The following THOC2 variants were observed in gnomAD, a reference collection of about 807,000 sequenced individuals.
THOC2 encodes the protein THO complex 2.
In THOC2, 10 loss-of-function variants were observed where a neutral mutation model predicts 128.4. The ratio of observed to expected loss-of-function variants is 0.08; its 90% CI spans 0.05 to 0.13. THOC2 has a LOEUF of 0.13. THOC2 is among the 10% of genes least tolerant of loss of function. The pLI, the probability that THOC2 is intolerant of heterozygous loss-of-function variation, is 1.00. For synonymous variants in THOC2, 393 were observed against 396.9 expected, an observed-to-expected ratio of 0.99 and a Z score of 0.12; for missense variants, 535 against 1,155.7, an observed-to-expected ratio of 0.46 and a Z score of 7.79.
At chrX:123,618,903 C>T (rs2147574828) in intron 33 of THOC2, among the ~76,000 whole-genome samples, 1 of 111,084 alleles carries the variant, frequency 9.0e-6, no homozygotes, top group Non-Finnish European at 1.9e-5. Flanking sequence ...CTGTAACTAC[C>T]AAAAAGGTAC....
intron 38 of THOC2, among the ~76,000 whole-genome samples, chrX:123,609,043 T>C (rs1008932996): frequency 6.2e-5 from 7 of 112,039 alleles, no homozygotes. Context: ...AAAAGAATAA[T>C]ATTTGGGTAC....
chrX:123,642,068 G>A (rs1306804235), intron 15 of THOC2, among the ~76,000 whole-genome samples: 3 of 112,198 alleles, frequency 2.7e-5, no homozygotes, highest in Non-Finnish European at 5.6e-5. Flanking sequence ...GACAGTCAAA[G>A]TACTAAGCAT....
At chrX:123,629,176 A>T (rs2047378194) in intron 22 of THOC2, among the ~76,000 whole-genome samples, 1 of 102,142 alleles carries the variant, frequency 9.8e-6, no homozygotes, top group African/African-American at 3.6e-5. Flanking sequence ...TATGAAGATA[A>T]CATATATATG....
chrX:123,601,983 TC>T (rs2147494528), intron 38 of THOC2: 1 of 112,795 alleles, frequency 8.9e-6, no homozygotes, highest in African/African-American at 3.2e-5. Flanking sequence ...TCATTTCCTT[TC>T]CTTTATGTAT....
At position 123,720,005 on chromosome X, in the gene THOC2, G is replaced by A. The variant is rs572414312; in HGVS notation, c.72-7097C>T. On this transcript the variant is annotated intron_variant, in intron 1 of 38. Coordinates refer to ENST00000245838, the MANE Select transcript of THOC2 (RefSeq NM_001081550.2). ...CACAAAAAATAGACAAAACTAGCCCGGCATGGTGGTGCAGGCCTATAGTCC... is the reference window on the plus strand; with the variant it reads ...CACAAAAAATAGACAAAACTAGCCCAGCATGGTGGTGCAGGCCTATAGTCC... 4.1e-4 allele frequency among the ~76,000 whole-genome samples: 46 copies of A among 110,967 alleles called. No individual in the cohort carries two copies. The South Asian group carries it at 4.9e-3, about 12-fold the overall frequency.
chrX:123,715,693 G>T (rs1484833353), intron 1 of THOC2, among the ~76,000 whole-genome samples: 1 of 106,801 alleles, frequency 9.4e-6, no homozygotes, highest in African/African-American at 3.4e-5. Flanking sequence ...GCTGAGGCGG[G>T]AGGATCACTT....
At chrX:123,681,395 T>C (rs552951649) in intron 8 of THOC2, among the ~76,000 whole-genome samples, 14 of 111,148 alleles carry the variant, frequency 1.3e-4, no homozygotes, top group Admixed American at 5.8e-4. Flanking sequence ...GGGGATGCCA[T>C]TGTATAACTG....
In THOC2 at chrX:123,673,639, C is replaced by T. The variant is rs376337006; in HGVS notation, c.769-1878G>A. 1.8e-4 allele frequency among the ~76,000 whole-genome samples: 20 copies of T among 111,869 alleles called. No homozygotes were observed. In the East Asian group the frequency reaches 2.0e-3, roughly 11 times the overall value. ...TTTCCACATCCTTGAAATACTTCCA[C>T]GGAATCATATGGAATTCATGATCCA... On this transcript the variant is annotated intron_variant, in intron 8 of 38. Coordinates refer to ENST00000245838, the MANE Select transcript of THOC2 (RefSeq NM_001081550.2).
At chrX:123,628,093 G>T in intron 22 of THOC2, 125 bp from the exon 23 acceptor site, 1 of 548,195 alleles carries the variant, frequency 1.8e-6, no homozygotes, top group Non-Finnish European at 2.9e-6. Context: ...TCTCAAAACT[G>T]TTGTAGAAAT....
intron 22 of THOC2, among the ~76,000 whole-genome samples, chrX:123,629,702 T>C (rs1332084388): frequency 9.0e-6 from 1 of 111,421 alleles, no homozygotes; most frequent in Non-Finnish European, 1.9e-5. Flanking sequence ...GGAGTCCCAA[T>C]TGCATCAGAA....
chrX:123,670,989 T>C (rs779757442), intron 9 of THOC2, among the ~76,000 whole-genome samples: 3 of 111,574 alleles, frequency 2.7e-5, no homozygotes, highest in Non-Finnish European at 3.8e-5. Flanking sequence ...ATACTTGTTT[T>C]AAATTAATAG....
chrX:123,645,384 T>TA lies in THOC2; in HGVS notation c.1387-10dup. 1.9e-6 allele frequency: 2 copies of TA among 1,042,617 alleles called. No homozygotes were observed. The highest frequency in any genetic ancestry group is 1.3e-6 in the Non-Finnish European group (1 of 766,516). 85.9% of individuals were successfully genotyped at this position (1,042,617 alleles called of 1,213,427 possible). On this transcript the variant is annotated splice_polypyrimidine_tract_variant and intron_variant, in intron 12 of 38. Coordinates refer to ENST00000245838, the MANE Select transcript of THOC2 (RefSeq NM_001081550.2). ...CTTCCATCAGACTGAAACTACAATT[T>TA]AAAAAAAGAAATTAATAAAATACAA...
chrX:123,696,668 A>G (rs2050459772), intron 6 of THOC2, 53 bp downstream of exon 6: 1 of 1,133,600 alleles, frequency 8.8e-7, no homozygotes, highest in African/African-American at 1.9e-5. Context: ...CAAAATATGA[A>G]CGAAAAAACA....
At chrX:123,604,131 A>C (rs1001189393) in intron 38 of THOC2, among the ~76,000 whole-genome samples, 1 of 112,334 alleles carries the variant, frequency 8.9e-6, no homozygotes, top group African/African-American at 3.2e-5. Flanking sequence ...ACACAGATCT[A>C]TCTTTTTCAC....
intron 4 of THOC2, among the ~76,000 whole-genome samples, chrX:123,701,692 C>CAAA (rs397972574): frequency 1.2e-5 from 1 of 81,243 alleles, no homozygotes; most frequent in Admixed American, 1.4e-4. Context: ...TATTTATTTG[C>CAAA]AAAAAAAAAA....
At chrX:123,697,777 T>C (rs774111406) in intron 4 of THOC2, 26 bp from the exon 5 acceptor site, 31 of 751,077 alleles carry the variant, frequency 4.1e-5, no homozygotes, top group Non-Finnish European at 5.8e-5. Context: ...AGAAAAAAGT[T>C]TGATTGATTT....
intron 24 of THOC2, 130 bp from the exon 25 acceptor site, chrX:123,626,199 C>T (rs2047264396): frequency 1.7e-5 from 8 of 478,774 alleles, no homozygotes; most frequent in Non-Finnish European, 2.4e-5. Flanking sequence ...TAGTTTGTAA[C>T]CAAATGTCAT....
At chrX:123,603,336 A>G (rs988052003) in intron 38 of THOC2, 6 of 220,798 alleles carry the variant, frequency 2.7e-5, no homozygotes, top group Non-Finnish European at 4.0e-5. Context: ...TCATCCCAGT[A>G]ATGTCAAAAG....
At chrX:123,673,654 T>C (rs2049370751) in intron 8 of THOC2, among the ~76,000 whole-genome samples, 1 of 112,050 alleles carries the variant, frequency 8.9e-6, no homozygotes, top group African/African-American at 3.2e-5. Flanking sequence ...TCATATGGAA[T>C]TCATGATCCA....
Sources: allele counts gnomAD v4.1 joint callset (sites outside exome capture counted in the v4.1 genomes callset), GRCh38; gene constraint gnomAD v4.1.1; transcripts MANE v1.5; gene names NCBI Gene and HGNC (gene_info 2026-07-23, HGNC 2026-07-21).